VPS4B: variants seen among roughly 807,000 people sequenced by gnomAD.
VPS4B encodes the protein vacuolar protein sorting 4 homolog B.
In VPS4B, 23 loss-of-function variants were observed where a neutral mutation model predicts 56.1. The ratio of observed to expected loss-of-function variants is 0.41; its 90% CI spans 0.30 to 0.58. VPS4B has a LOEUF of 0.58. Among genes scored for constraint, VPS4B ranks in the 20% least tolerant of loss-of-function variants. VPS4B has a pLI of 0.29. For missense variants in VPS4B, 372 were observed against 531.9 expected, an observed-to-expected ratio of 0.70 and a Z score of 2.96; for synonymous variants, 177 against 186.0, an observed-to-expected ratio of 0.95 and a Z score of 0.39.
intron 8 of VPS4B, among the ~76,000 whole-genome samples, chr18:63,398,017 C>T (rs912433002): frequency 6.6e-6 from 1 of 151,988 alleles, no homozygotes; most frequent in African/African-American, 2.4e-5. Flanking sequence ...GTGGCAAAAA[C>T]TGAAGTGCTA....
Position 63,390,173 on chromosome 18 carries a change from A to G in VPS4B, c.*802T>C. The G allele has an allele frequency of 6.6e-6, 1 of 152,460 alleles. No individual in the cohort carries two copies. The highest frequency in any genetic ancestry group is 1.5e-5 in the Non-Finnish European group (1 of 68,126). The allele number at this position is 152,460 out of a possible 1,614,324, so 9.4% of individuals were successfully genotyped here. On this transcript the variant is annotated 3_prime_UTR_variant, in exon 11 of 11. Coordinates refer to ENST00000238497, the MANE Select transcript of VPS4B (RefSeq NM_004869.4). ...ACTGCAACCTCTGCCTCCCAGGTTCAAGTGATTCTCCCGCCTCAGCCTCCT... is the reference window on the plus strand; with the variant it reads ...ACTGCAACCTCTGCCTCCCAGGTTCGAGTGATTCTCCCGCCTCAGCCTCCT...
At chr18:63,410,214 C>G in intron 3 of VPS4B, 76 bp downstream of exon 3, 1 of 1,573,842 alleles carries the variant, frequency 6.4e-7, no homozygotes. Context: ...TTTGCTGACA[C>G]CTGTTTTAAT....
Position 63,422,191 on chromosome 18 carries a change from C to A in VPS4B, c.27+42G>T, listed in dbSNP as rs199907868. On this transcript the variant is annotated intron_variant, in intron 1 of 10. Coordinates refer to ENST00000238497, the MANE Select transcript of VPS4B (RefSeq NM_004869.4). ...CCCACCCGCTTCTCGCGCCTCCCCT[C>A]GATCCCAGCTCCCTAGGGGGACGGG... 5 of 1,457,594 alleles carry A rather than the reference C, an allele frequency of 3.4e-6. No individual in the cohort carries two copies. In the East Asian group the frequency reaches 8.4e-5, roughly 24 times the overall value. The allele number at this position is 1,457,594 out of a possible 1,614,324, so 90.3% of individuals were successfully genotyped here. A position where few individuals can be genotyped will look rare whatever the true frequency, so the allele number is the denominator to read the frequency against.
Position 63,400,654 on chromosome 18 carries a change from T to C in VPS4B, c.534A>G (p.Thr178=), listed in dbSNP as rs1272537103. ...CAGCTTTGGCTAAGTAGGACTTTCC[T>C]GTTCCAGGCGGCCCAAATAATAGGA... The part of the protein sequence containing the change: ...RGILLFGPPG[T]GKSYLAKAVA... Residue 178 remains threonine (T), a synonymous_variant, in exon 6 of 11, where the codon ACA becomes ACG. Transcript: ENST00000238497. 6.2e-7 allele frequency: 1 copy of C among 1,606,292 alleles called. No homozygotes were observed. Among genetic ancestry groups the C allele is most frequent in the African/African-American group, 1.3e-5 (1 of 74,438 alleles).
chr18:63,391,570 T>C (rs112595872), intron 10 of VPS4B, among the ~76,000 whole-genome samples: 2,942 of 152,322 alleles, frequency 0.019, 90 homozygotes, highest in African/African-American at 0.067. Flanking sequence ...GATCATGTTA[T>C]TCCTTTGTGT....
chr18:63,409,441 G>A (rs1644470123), intron 3 of VPS4B, among the ~76,000 whole-genome samples: 1 of 152,150 alleles, frequency 6.6e-6, no homozygotes, highest in South Asian at 2.1e-4. Context: ...CTAAAGCTGA[G>A]CAGAATCTCG....
At chr18:63,419,806 T>C (rs1916253906) in intron 1 of VPS4B, among the ~76,000 whole-genome samples, 1 of 152,226 alleles carries the variant, frequency 6.6e-6, no homozygotes, top group African/African-American at 2.4e-5. Flanking sequence ...CTTCGGGTTA[T>C]TGAAACTGTG....
intron 5 of VPS4B, among the ~76,000 whole-genome samples, chr18:63,401,437 A>G (rs12960429): frequency 0.036 from 5,437 of 152,136 alleles, 103 homozygotes; most frequent in African/African-American, 0.044. Flanking sequence ...GTATTTTAGT[A>G]GAGACGGGGT....
At chr18:63,410,760 A>G (rs2144431533) in intron 2 of VPS4B, among the ~76,000 whole-genome samples, 1 of 152,360 alleles carries the variant, frequency 6.6e-6, no homozygotes, top group South Asian at 2.1e-4. Context: ...TTTTGCAGAT[A>G]GTTCAAAGTT....
At position 63,402,745 on chromosome 18, in the gene VPS4B, C is replaced by T. The variant is rs1334520562; in HGVS notation, c.484+962G>A. ...TGCTTTTATAGGATTATGATGTCAACTTTTATGCTGTTAAGTTTCATACTC... is the reference window on the plus strand; with the variant it reads ...TGCTTTTATAGGATTATGATGTCAATTTTTATGCTGTTAAGTTTCATACTC... On this transcript the variant is annotated intron_variant, in intron 5 of 10. Coordinates refer to ENST00000238497, the MANE Select transcript of VPS4B (RefSeq NM_004869.4). Among the ~76,000 whole-genome samples the T allele has an allele frequency of 2.0e-5, 3 of 152,096 alleles. No homozygotes were observed. The East Asian group carries it at 5.8e-4, about 29-fold the overall frequency.
intron 9 of VPS4B, 21 bp downstream of exon 9, chr18:63,397,013 G>T: frequency 6.3e-7 from 1 of 1,591,920 alleles, no homozygotes; most frequent in Admixed American, 1.7e-5. Context: ...AGATAGGAAA[G>T]GATAGATAAA....
intron 3 of VPS4B, among the ~76,000 whole-genome samples, chr18:63,409,218 T>C (rs765765964): frequency 6.6e-6 from 1 of 152,186 alleles, no homozygotes; most frequent in Non-Finnish European, 1.5e-5. Flanking sequence ...ACCTTGAGCT[T>C]AAGCTTATCA....
At position 63,422,371 on chromosome 18, in the gene VPS4B, T is replaced by G. The variant is rs1916328052; in HGVS notation, c.-112A>C. On this transcript the variant is annotated 5_prime_UTR_variant, in exon 1 of 11. Coordinates refer to ENST00000238497, the MANE Select transcript of VPS4B (RefSeq NM_004869.4). ...CTCAAACTGGGGAGGCCGGTGGTTC[T>G]CGGACCGCGAAGGGCAGCCTCCCTT... 9.2e-7 allele frequency: 1 copy of G among 1,085,698 alleles called. No homozygotes were observed. Among genetic ancestry groups the G allele is most frequent in the Admixed American group, 4.0e-5 (1 of 24,800 alleles). 67.3% of individuals were successfully genotyped at this position (1,085,698 alleles called of 1,614,324 possible).
At chr18:63,410,896 G>A (rs1274444724) in intron 2 of VPS4B, among the ~76,000 whole-genome samples, 1 of 152,180 alleles carries the variant, frequency 6.6e-6, no homozygotes, top group East Asian at 1.9e-4. Context: ...CATATATTCT[G>A]TGTAATACCA....
chr18:63,419,700 C>G (rs145190917), intron 1 of VPS4B, among the ~76,000 whole-genome samples: 2,568 of 152,292 alleles, frequency 0.017, 63 homozygotes, highest in African/African-American at 0.059. Context: ...ATGATATGAA[C>G]TGAAGTGAAT....
chr18:63,395,376 A>G (rs981947761), intron 9 of VPS4B, among the ~76,000 whole-genome samples: 1 of 152,258 alleles, frequency 6.6e-6, no homozygotes, highest in Non-Finnish European at 1.5e-5. Flanking sequence ...CATCTGAAGT[A>G]CCACGACTGG....
chr18:63,400,277 T>G (rs1568085470), intron 6 of VPS4B, 81 bp from the exon 7 acceptor site: 5 of 1,382,056 alleles, frequency 3.6e-6, no homozygotes, highest in Middle Eastern at 4.6e-4. Flanking sequence ...TTACAAGAAC[T>G]CTGTAGATTA....
intron 5 of VPS4B, among the ~76,000 whole-genome samples, chr18:63,402,277 T>C (rs1005616663): frequency 1.3e-5 from 2 of 151,956 alleles, no homozygotes; most frequent in South Asian, 2.1e-4. Context: ...CACTTTTTTT[T>C]CCACTTATAA....
At chr18:63,407,348 G>C in intron 4 of VPS4B, 84 bp downstream of exon 4, 1 of 1,169,878 alleles carries the variant, frequency 8.5e-7, no homozygotes, top group Non-Finnish European at 1.2e-6. Context: ...AAATATAGAG[G>C]GAGAACAAAA....
Sources: allele counts gnomAD v4.1 joint callset (sites outside exome capture counted in the v4.1 genomes callset), GRCh38; gene constraint gnomAD v4.1.1; transcripts MANE v1.5; gene names NCBI Gene and HGNC (gene_info 2026-07-23, HGNC 2026-07-21).